The following RAB11FIP4 variants were observed in gnomAD, a reference collection of about 807,000 sequenced individuals.
The protein encoded by RAB11FIP4 is RAB11 family interacting protein 4, also known as rab11 family-interacting protein 4.
In RAB11FIP4, 23 loss-of-function variants were observed where a neutral mutation model predicts 74.3. The observed-to-expected ratio is 0.31, with a 90% CI of 0.22 to 0.44. The LOEUF is 0.44. Ranked by LOEUF, RAB11FIP4 falls within the 20% of genes least tolerant of loss-of-function variation. The probability of loss-of-function intolerance (pLI) is 1.00; values close to 1 mark genes in which losing one functional copy is unlikely to be tolerated. For synonymous variants in RAB11FIP4, 360 were observed against 359.9 expected, an observed-to-expected ratio of 1.00 and a Z score of 0.00; for missense variants, 630 against 863.9, an observed-to-expected ratio of 0.73 and a Z score of 3.39.
chr17:31,504,515 G>T (rs749863581), intron 3 of RAB11FIP4, among the ~76,000 whole-genome samples: 1 of 152,094 alleles, frequency 6.6e-6, no homozygotes, highest in Non-Finnish European at 1.5e-5. Flanking sequence ...ATAAGCGCTC[G>T]CCTCGGTCTC....
chr17:31,426,530 A>G (rs1809026769), intron 1 of RAB11FIP4, among the ~76,000 whole-genome samples: 1 of 150,952 alleles, frequency 6.6e-6, no homozygotes, highest in African/African-American at 2.4e-5. Flanking sequence ...GATGGTATGT[A>G]TTGGTAATAA....
chr17:31,486,603 C>G (rs2071905169), intron 3 of RAB11FIP4, among the ~76,000 whole-genome samples: 1 of 152,174 alleles, frequency 6.6e-6, no homozygotes, highest in Admixed American at 6.5e-5. Flanking sequence ...TATGATACAC[C>G]ACAGTGCTCC....
At chr17:31,488,522 T>C (rs774494350) in intron 3 of RAB11FIP4, 12 of 268,092 alleles carry the variant, frequency 4.5e-5, no homozygotes, top group Non-Finnish European at 7.5e-5. Flanking sequence ...GGCGCCTCCC[T>C]GGGGACCCGA....
chr17:31,457,051 GGC>G, intron 3 of RAB11FIP4, among the ~76,000 whole-genome samples: 2 of 152,298 alleles, frequency 1.3e-5, no homozygotes, highest in Admixed American at 1.3e-4. Context: ...TCTTAATGCA[GGC>G]CAACCTGTCC....
chr17:31,466,732 T>C (rs1427310641), intron 3 of RAB11FIP4, among the ~76,000 whole-genome samples: 1 of 152,130 alleles, frequency 6.6e-6, no homozygotes, highest in Non-Finnish European at 1.5e-5. Context: ...GGGGTTGGGG[T>C]AATTTCCCCA....
At chr17:31,420,977 G>A (rs1320246421) in intron 1 of RAB11FIP4, among the ~76,000 whole-genome samples, 3 of 152,070 alleles carry the variant, frequency 2.0e-5, no homozygotes, top group East Asian at 1.9e-4. Context: ...CCAGCTACTC[G>A]GGAGGTTGAG....
chr17:31,403,634 T>G (rs1337390805), intron 1 of RAB11FIP4, among the ~76,000 whole-genome samples: 1 of 152,186 alleles, frequency 6.6e-6, no homozygotes, highest in Non-Finnish European at 1.5e-5. Context: ...GCCTTTGTAT[T>G]TCTTAATCCC....
chr17:31,433,102 C>T (rs1052265898), intron 2 of RAB11FIP4, among the ~76,000 whole-genome samples: 41 of 152,098 alleles, frequency 2.7e-4, no homozygotes, highest in African/African-American at 9.4e-4. Context: ...GCTGAGGTCA[C>T]GCCACTGCAC....
chr17:31,438,545 C>T (rs996164510), intron 3 of RAB11FIP4, among the ~76,000 whole-genome samples: 31 of 152,174 alleles, frequency 2.0e-4, no homozygotes, highest in African/African-American at 7.0e-4. Flanking sequence ...ACCCACTGAC[C>T]GGGCGTCCTC....
In RAB11FIP4 at chr17:31,517,642, CT is replaced by C; in HGVS notation, c.337-6del. Reference sequence around the variant, plus strand: ...CTCACTTATCTTGTCTCTGCTCTCTCTTTCCCAGGGCAGCGAGGTCACAGGC... The same window carrying C: ...CTCACTTATCTTGTCTCTGCTCTCTCTTCCCAGGGCAGCGAGGTCACAGGC... On this transcript the variant is annotated splice_region_variant and splice_polypyrimidine_tract_variant and intron_variant, in intron 3 of 14. Coordinates refer to ENST00000621161, the MANE Select transcript of RAB11FIP4 (RefSeq NM_032932.6). 2.5e-6 allele frequency: 4 copies of C among 1,593,126 alleles called. No homozygotes were observed. Among genetic ancestry groups the C allele is most frequent in the South Asian group, 1.1e-5 (1 of 87,058 alleles).
rs561253999 is a variant in RAB11FIP4, at chr17:31,532,104, G to A, written c.*372G>A. ...CCTCTGGGGATAAGGATTCACATTC[G>A]CTCTAGTACGATGGGCTCTTTCACC... On this transcript the variant is annotated 3_prime_UTR_variant, in exon 15 of 15. Coordinates refer to ENST00000621161, the MANE Select transcript of RAB11FIP4 (RefSeq NM_032932.6). The A allele has an allele frequency of 2.1e-5, 4 of 192,458 alleles. No individual in the cohort carries two copies. The South Asian group carries it at 3.3e-4, about 16-fold the overall frequency. The allele number at this position is 192,458 out of a possible 1,614,324, so 11.9% of individuals were successfully genotyped here.
intron 7 of RAB11FIP4, 59 bp downstream of exon 7, chr17:31,522,454 G>A (rs563754640): frequency 1.6e-5 from 25 of 1,556,716 alleles, no homozygotes; most frequent in South Asian, 8.0e-5. Context: ...CCCACTGGCC[G>A]GGGCTCCCTG....
chr17:31,528,416 G>A lies in RAB11FIP4; in HGVS notation c.1367G>A (p.Arg456His), dbSNP rs369114444. Residue 456 changes from arginine (R) to histidine (H), a missense_variant, in exon 12 of 15, where the codon CGC becomes CAC. Physicochemically the swap from Arg to His is conservative, Grantham distance 29. Transcript: ENST00000621161. ...QTEKLDEERQ[R>H]MSDRLEDTSL... ...GTCTCCCTGCTCCAGGAGCGGCAGC[G>A]CATGTCTGACCGTCTGGAGGACACC... 1.3e-5 allele frequency: 21 copies of A among 1,612,612 alleles called. No individual in the cohort carries two copies. Among genetic ancestry groups the A allele is most frequent in the Middle Eastern group, 1.6e-4 (1 of 6,084 alleles).
rs765750166 is a variant in RAB11FIP4, at chr17:31,530,484, G to C, written c.1797+15G>C. ...CGCGCGATGAGGTAACCACACCACC[G>C]GCTCTTGCTTTGGGGCCTGGCCGCC... On this transcript the variant is annotated intron_variant, in intron 14 of 14. Coordinates refer to ENST00000621161, the MANE Select transcript of RAB11FIP4 (RefSeq NM_032932.6). 37 of 1,605,340 alleles carry C rather than the reference G, an allele frequency of 2.3e-5. No individual in the cohort carries two copies. Among genetic ancestry groups the C allele is most frequent in the Non-Finnish European group, 3.2e-5 (37 of 1,173,362 alleles).
At chr17:31,523,100 G>T in intron 7 of RAB11FIP4, 1 of 239,294 alleles carries the variant, frequency 4.2e-6, no homozygotes. Context: ...CAGCTTGGTG[G>T]AGAGGCTCAA....
intron 2 of RAB11FIP4, among the ~76,000 whole-genome samples, chr17:31,432,727 A>G (rs1387741932): frequency 3.9e-5 from 6 of 152,036 alleles, no homozygotes; most frequent in Non-Finnish European, 7.4e-5. Context: ...TTTTAAGGGG[A>G]CAATATAAAT....
At position 31,517,721 on chromosome 17, in the gene RAB11FIP4, A is replaced by G; in HGVS notation, c.407A>G (p.Glu136Gly). The G allele has an allele frequency of 6.2e-7, 1 of 1,601,720 alleles. No homozygotes were observed. The highest frequency in any genetic ancestry group is 8.5e-7 in the Non-Finnish European group (1 of 1,174,866). ...CCCAGGGAACCCGGCTTTTTTCCCG[A>G]GGACGAGGAGGAGGCTATGACGCTG... The part of the protein sequence containing the change: ...LIPREPGFFP[E>G]DEEEAMTLAP... The change falls in exon 4 of 15, where the codon GAG (glutamate) becomes GGG (glycine). Residue 136 changes from glutamate to glycine, a missense_variant. By Grantham distance (98) the Glu-to-Gly change is moderately conservative (BLOSUM62 -2). Transcript: ENST00000621161.
chr17:31,437,035 C>T lies in RAB11FIP4; in HGVS notation c.336+2913C>T, dbSNP rs922405842. ...TCGATCTCCTGACCTCATGATCCAC[C>T]CGCCTCGGCCTCCCAATGCTTTGGA... On this transcript the variant is annotated intron_variant, in intron 3 of 14. Coordinates refer to ENST00000621161, the MANE Select transcript of RAB11FIP4 (RefSeq NM_032932.6). Among the ~76,000 whole-genome samples, 6 of 152,018 alleles carry T rather than the reference C, an allele frequency of 3.9e-5. No homozygotes were observed. In the South Asian group the frequency reaches 1.2e-3, roughly 32 times the overall value.
chr17:31,498,734 A>G (rs1235729253), intron 3 of RAB11FIP4, among the ~76,000 whole-genome samples: 1 of 152,188 alleles, frequency 6.6e-6, no homozygotes, highest in East Asian at 1.9e-4. Context: ...CTCTCTGGAA[A>G]GTTCCATGTC....
Sources: gnomAD v4.1 joint callset for allele counts (sites outside exome capture counted in the v4.1 genomes callset) on GRCh38, gnomAD v4.1.1 for gene constraint, MANE v1.5 for transcripts, NCBI Gene and HGNC (gene_info 2026-07-23, HGNC 2026-07-21) for gene names.